Variants in DPYD observed in about 807,000 individuals in gnomAD.
DPYD encodes dihydropyrimidine dehydrogenase [NADP(+)].
In DPYD, 109 loss-of-function variants were observed where a neutral mutation model predicts 116.2. That is an observed-to-expected ratio of 0.94 (90% CI 0.80 to 1.10). The LOEUF is 1.10. DPYD is among the 50% of genes least tolerant of loss of function. The probability of loss-of-function intolerance (pLI) is 0.00; values close to 1 mark genes in which losing one functional copy is unlikely to be tolerated. For synonymous variants in DPYD, 440 were observed against 432.0 expected (o/e 1.02, Z -0.23); for missense variants, 1,302 against 1,254.5 (o/e 1.04, Z -0.57).
chr1:97,686,859 G>A (rs1298484805), intron 7 of DPYD, among the ~76,000 whole-genome samples: 1 of 151,954 alleles, frequency 6.6e-6, no homozygotes, highest in South Asian at 2.1e-4. Flanking sequence ...AGAGTGAAGA[G>A]GCAACCTACA....
At chr1:97,593,416 C>G (rs983299666) in intron 9 of DPYD, 29 bp from the exon 10 acceptor site, 1 of 1,612,882 alleles carries the variant, frequency 6.2e-7, no homozygotes, top group Non-Finnish European at 8.5e-7. Flanking sequence ...ACCCCATTTT[C>G]AAGTAGAGAA....
At chr1:97,530,749 G>A (rs745370578) in intron 12 of DPYD, among the ~76,000 whole-genome samples, 2 of 152,144 alleles carry the variant, frequency 1.3e-5, no homozygotes, top group Admixed American at 6.5e-5. Flanking sequence ...ACCAACAGTT[G>A]TATAAGGGTT....
Position 97,246,530 on chromosome 1 carries a change from CAG to C in DPYD, c.2300-11538_2300-11537del, listed in dbSNP as rs1211749004. 3.3e-5 allele frequency among the ~76,000 whole-genome samples: 5 copies of C among 152,178 alleles called. No individual in the cohort carries two copies. In the East Asian group the frequency reaches 9.6e-4, roughly 29 times the overall value. ...AAAATTAGGATATTTCAAACTGTGG[CAG>C]AGTTTGGGAACAAGGTGAGAAAAAT... On this transcript the variant is annotated intron_variant, in intron 18 of 22. Coordinates refer to ENST00000370192, the MANE Select transcript of DPYD (RefSeq NM_000110.4).
chr1:97,541,629 T>G (rs966253707), intron 12 of DPYD, among the ~76,000 whole-genome samples: 1 of 152,216 alleles, frequency 6.6e-6, no homozygotes, highest in Non-Finnish European at 1.5e-5. Flanking sequence ...TAAGCTTTGG[T>G]CATGTGCTGC....
chr1:97,342,942 C>A (rs1669655365), intron 16 of DPYD, among the ~76,000 whole-genome samples: 1 of 151,990 alleles, frequency 6.6e-6, no homozygotes, highest in Non-Finnish European at 1.5e-5. Flanking sequence ...ACTTTTTGAT[C>A]TCTGGATGAA....
intron 8 of DPYD, among the ~76,000 whole-genome samples, chr1:97,604,259 T>G (rs1391296170): frequency 1.3e-5 from 2 of 152,126 alleles, no homozygotes; most frequent in African/African-American, 4.8e-5. Context: ...ATAATTAAAC[T>G]TTAAGCCTCA....
chr1:97,259,370 G>A (rs935987148), intron 18 of DPYD, among the ~76,000 whole-genome samples: 8 of 152,048 alleles, frequency 5.3e-5, no homozygotes, highest in South Asian at 2.1e-4. Flanking sequence ...GGAATTTACC[G>A]ATTAAAAATA....
At chr1:97,459,841 G>A (rs1412342153) in intron 13 of DPYD, among the ~76,000 whole-genome samples, 1 of 152,060 alleles carries the variant, frequency 6.6e-6, no homozygotes, top group Non-Finnish European at 1.5e-5. Flanking sequence ...ATATAAAGGT[G>A]TGATTATGTT....
At chr1:97,308,249 GTT>G (rs957437582) in intron 16 of DPYD, 1 of 151,264 alleles carries the variant, frequency 6.6e-6, no homozygotes, top group Non-Finnish European at 1.5e-5. Flanking sequence ...GAAACACATG[GTT>G]TTTTTTGGTT....
At chr1:97,318,015 T>C (rs920521335) in intron 16 of DPYD, among the ~76,000 whole-genome samples, 1 of 149,742 alleles carries the variant, frequency 6.7e-6, no homozygotes, top group East Asian at 2.0e-4. Context: ...AAATACTTTA[T>C]AGACAAGCAA....
intron 3 of DPYD, among the ~76,000 whole-genome samples, chr1:97,782,156 C>T (rs1207100906): frequency 6.6e-6 from 1 of 152,196 alleles, no homozygotes; most frequent in African/African-American, 2.4e-5. Context: ...TCTCTCTCTT[C>T]CTCATCCTCT....
At chr1:97,572,613 A>T in intron 11 of DPYD, among the ~76,000 whole-genome samples, 1 of 151,986 alleles carries the variant, frequency 6.6e-6, no homozygotes, top group East Asian at 1.9e-4. Flanking sequence ...CACTTTATAT[A>T]TCATTCTTTT....
At chr1:97,689,818 C>G (rs1341435455) in intron 7 of DPYD, among the ~76,000 whole-genome samples, 1 of 152,026 alleles carries the variant, frequency 6.6e-6, no homozygotes, top group Non-Finnish European at 1.5e-5. Flanking sequence ...TCAAAGGATA[C>G]AAATCCTCAA....
Position 97,848,792 on chromosome 1 carries a change from T to C in DPYD, c.151-20596A>G, listed in dbSNP as rs568549252. ...AAGCTCAAATAAAGAACAAAGGTTT[T>C]CAGAGGAAAACAATGAAGAAAGGTT... On this transcript the variant is annotated intron_variant, in intron 2 of 22. Transcript: ENST00000370192. 5.3e-5 allele frequency among the ~76,000 whole-genome samples: 8 copies of C among 152,294 alleles called. No homozygotes were observed. The South Asian group carries it at 1.5e-3, about 28-fold the overall frequency.
chr1:97,643,607 A>G (rs1658063395), intron 8 of DPYD, among the ~76,000 whole-genome samples: 1 of 152,200 alleles, frequency 6.6e-6, no homozygotes, highest in Non-Finnish European at 1.5e-5. Flanking sequence ...AGGATGATAA[A>G]TCATTCTACT....
chr1:97,492,124 A>G (rs1679008139), intron 13 of DPYD, among the ~76,000 whole-genome samples: 1 of 152,182 alleles, frequency 6.6e-6, no homozygotes, highest in South Asian at 2.1e-4. Flanking sequence ...TACAAAATAT[A>G]GTGCAAATCT....
At chr1:97,194,828 G>A (rs1658635715) in intron 19 of DPYD, among the ~76,000 whole-genome samples, 1 of 152,082 alleles carries the variant, frequency 6.6e-6, no homozygotes, top group African/African-American at 2.4e-5. Flanking sequence ...TTAGCAGCAT[G>A]AGAATGGACT....
chr1:97,572,157 G>A (rs980729198), intron 11 of DPYD, among the ~76,000 whole-genome samples: 1 of 151,872 alleles, frequency 6.6e-6, no homozygotes, highest in African/African-American at 2.4e-5. Flanking sequence ...TGGCATATGT[G>A]AAGTACTAGA....
intron 14 of DPYD, among the ~76,000 whole-genome samples, chr1:97,406,174 A>C (rs1673644313): frequency 6.6e-6 from 1 of 151,560 alleles, no homozygotes; most frequent in South Asian, 2.1e-4. Flanking sequence ...ATAGTTCCCT[A>C]TATTTGCCTG....
Sources: gnomAD v4.1 joint callset for allele counts (sites outside exome capture counted in the v4.1 genomes callset) on GRCh38, gnomAD v4.1.1 for gene constraint, MANE v1.5 for transcripts, NCBI Gene and HGNC (gene_info 2026-07-23, HGNC 2026-07-21) for gene names.